The following ITGA1 variants were observed in gnomAD, a reference collection of about 807,000 sequenced individuals.
ITGA1 encodes integrin alpha-1.
ITGA1 carries 85 observed loss-of-function variants against 145.9 expected under a neutral mutation model. That is an observed-to-expected ratio of 0.58 (90% CI 0.49 to 0.70). ITGA1 has a LOEUF of 0.70. ITGA1 is among the 30% of genes least tolerant of loss of function. ITGA1 has a pLI of 0.00. For synonymous variants in ITGA1, 520 were observed against 495.3 expected (o/e 1.05, Z -0.66); for missense variants, 1,351 against 1,418.7 (o/e 0.95, Z 0.77).
chr5:52,824,803 G>T (rs1561219261), intron 1 of ITGA1: 4 of 152,034 alleles, frequency 2.6e-5, no homozygotes, highest in Admixed American at 2.0e-4. Context: ...TGGATAAATA[G>T]TACTTCAGAA....
chr5:52,804,396 C>T (rs1053351062), intron 1 of ITGA1, among the ~76,000 whole-genome samples: 2 of 152,180 alleles, frequency 1.3e-5, no homozygotes, highest in Admixed American at 1.3e-4. Flanking sequence ...GACAGCTACT[C>T]CTGGTCCCTC....
chr5:52,800,991 T>C (rs770530262), intron 1 of ITGA1: 3 of 1,614,186 alleles, frequency 1.9e-6, no homozygotes, highest in Non-Finnish European at 8.5e-7. Flanking sequence ...ACATACACTT[T>C]GATGTTGTAA....
intron 1 of ITGA1, among the ~76,000 whole-genome samples, chr5:52,828,310 C>A (rs886986991): frequency 1.3e-5 from 2 of 152,128 alleles, no homozygotes; most frequent in African/African-American, 4.8e-5. Context: ...CCTTGTCAAT[C>A]CTTATTTTCT....
In ITGA1 at chr5:52,788,262, G is replaced by C. The variant is rs535714899; in HGVS notation, c.-92G>C. The stretch of plus-strand genomic sequence containing the variant: ...GCAGAGGACTGGGAACCGCGGCAGC[G>C]GGATAAGTGGCCCAGCCAGAGAGCG... On this transcript the variant is annotated 5_prime_UTR_variant, in exon 1 of 29. Transcript: ENST00000282588. The C allele has an allele frequency of 6.1e-5, 61 of 997,760 alleles. No homozygotes were observed. The South Asian group carries it at 8.2e-4, about 13-fold the overall frequency. The allele number at this position is 997,760 out of a possible 1,614,324, so 61.8% of individuals were successfully genotyped here.
intron 1 of ITGA1, among the ~76,000 whole-genome samples, chr5:52,845,258 T>C (rs1296232568): frequency 6.6e-6 from 1 of 152,140 alleles, no homozygotes. Context: ...GGGGGTGAAA[T>C]TGACCCTGAT....
At chr5:52,856,712 GAA>G (rs1279994826) in intron 2 of ITGA1, among the ~76,000 whole-genome samples, 178 of 129,722 alleles carry the variant, frequency 1.4e-3, no homozygotes, top group African/African-American at 5.0e-3. Context: ...GAGAGAGAGA[GAA>G]GCCACTAGGT....
At chr5:52,917,878 C>T (rs962379381) in intron 15 of ITGA1, among the ~76,000 whole-genome samples, 1 of 152,030 alleles carries the variant, frequency 6.6e-6, no homozygotes, top group South Asian at 2.1e-4. Flanking sequence ...AAAAAGAAAA[C>T]CACCTTTTTT....
intron 6 of ITGA1, among the ~76,000 whole-genome samples, chr5:52,875,074 G>A (rs887909765): frequency 1.3e-5 from 2 of 152,154 alleles, no homozygotes; most frequent in Non-Finnish European, 2.9e-5. Flanking sequence ...AGAACAAGTA[G>A]GGATAGGAGT....
chr5:52,955,423 A>G lies in ITGA1; in HGVS notation c.*2972A>G, dbSNP rs1751290720. 1.3e-5 allele frequency: 2 copies of G among 152,236 alleles called. No homozygotes were observed. Among genetic ancestry groups the G allele is most frequent in the Admixed American group, 6.5e-5 (1 of 15,286 alleles). The allele number at this position is 152,236 out of a possible 1,614,324, so 9.4% of individuals were successfully genotyped here. The stretch of plus-strand genomic sequence containing the variant: ...GATAGAGAACATGTTGTGTCTATAT[A>G]CATATCCAATGACACACAGTATAAT... On this transcript the variant is annotated 3_prime_UTR_variant, in exon 29 of 29. Transcript: ENST00000282588.
At chr5:52,880,956 G>C (rs151136286) in intron 6 of ITGA1, among the ~76,000 whole-genome samples, 31 of 152,344 alleles carry the variant, frequency 2.0e-4, no homozygotes, top group African/African-American at 7.5e-4. Flanking sequence ...CAGGTGGGAA[G>C]AGGAAGAATA....
At chr5:52,929,730 A>G (rs1005018456) in intron 21 of ITGA1, 29 bp downstream of exon 21, 2 of 1,113,452 alleles carry the variant, frequency 1.8e-6, no homozygotes, top group Non-Finnish European at 2.7e-6. Context: ...AAATGTATGT[A>G]TATGAATGTA....
chr5:52,857,869 G>A (rs1272212111), intron 2 of ITGA1, among the ~76,000 whole-genome samples: 1 of 152,104 alleles, frequency 6.6e-6, no homozygotes, highest in Non-Finnish European at 1.5e-5. Context: ...CTCATTATCA[G>A]TGCATCCTTT....
At chr5:52,952,221 C>G (rs576741366) in intron 28 of ITGA1, among the ~76,000 whole-genome samples, 186 bp from the exon 29 acceptor site, 10 of 151,118 alleles carry the variant, frequency 6.6e-5, no homozygotes, top group African/African-American at 2.2e-4. Flanking sequence ...AAAGAAACAG[C>G]AATTTAATAA....
intron 14 of ITGA1, among the ~76,000 whole-genome samples, chr5:52,913,140 A>G (rs1256893773): frequency 6.6e-6 from 1 of 152,180 alleles, no homozygotes; most frequent in Non-Finnish European, 1.5e-5. Context: ...GTTAAAAAAA[A>G]GAATACTTTG....
chr5:52,897,619 C>CTTAT, intron 10 of ITGA1, 91 bp downstream of exon 10: 2 of 839,186 alleles, frequency 2.4e-6, no homozygotes, highest in Non-Finnish European at 4.1e-6. Flanking sequence ...GTAAGTGCAA[C>CTTAT]GTGCAGTTCA....
At position 52,956,575 on chromosome 5, in the gene ITGA1, A is replaced by T. The variant is rs757592424; in HGVS notation, c.*4124A>T. 4 of 152,190 alleles carry T rather than the reference A, an allele frequency of 2.6e-5. No individual in the cohort carries two copies. The highest frequency in any genetic ancestry group is 6.5e-5 in the Admixed American group (1 of 15,276). 9.4% of individuals were successfully genotyped at this position (152,190 alleles called of 1,614,324 possible). A position where few individuals can be genotyped will look rare whatever the true frequency, so the allele number is the denominator to read the frequency against. On this transcript the variant is annotated 3_prime_UTR_variant, in exon 29 of 29. Coordinates refer to ENST00000282588, the MANE Select transcript of ITGA1 (RefSeq NM_181501.2). Reference sequence around the variant, plus strand: ...GTGTTCTAAAGGGTTCACATAGTATAATGGAGGAGGGACAAAGCAGAATAT... The same window carrying T: ...GTGTTCTAAAGGGTTCACATAGTATTATGGAGGAGGGACAAAGCAGAATAT...
chr5:52,918,931 G>A (rs1351753894), intron 16 of ITGA1, 33 bp downstream of exon 16: 1 of 1,539,646 alleles, frequency 6.5e-7, no homozygotes, highest in Non-Finnish European at 8.8e-7. Flanking sequence ...GTACTTTTGG[G>A]TAGAGGACAA....
intron 6 of ITGA1, among the ~76,000 whole-genome samples, chr5:52,872,593 T>TTTTTTTTTG (rs1749794767): frequency 6.7e-6 from 1 of 148,906 alleles, no homozygotes; most frequent in African/African-American, 2.5e-5. Flanking sequence ...TTTTTTTTTT[T>TTTTTTTTTG]GTGGGTGGAG....
intron 16 of ITGA1, 92 bp downstream of exon 16, chr5:52,918,990 C>A: frequency 9.0e-7 from 1 of 1,106,710 alleles, no homozygotes; most frequent in Non-Finnish European, 1.3e-6. Flanking sequence ...GTATTTTCCC[C>A]ACATGGTGAG....
Sources: allele counts gnomAD v4.1 joint callset (sites outside exome capture counted in the v4.1 genomes callset), GRCh38; gene constraint gnomAD v4.1.1; transcripts MANE v1.5; gene names NCBI Gene and HGNC (gene_info 2026-07-23, HGNC 2026-07-21).